Variants in SPATA9 observed in about 807,000 individuals in gnomAD.
SPATA9 encodes the protein spermatogenesis-associated protein 9.
Under a neutral mutation model 25.5 loss-of-function variants are expected in SPATA9, and 27 were observed. The ratio of observed to expected loss-of-function variants is 1.06; its 90% CI spans 0.78 to 1.46. SPATA9 has a LOEUF of 1.46. SPATA9 is among the 40% of genes most tolerant of loss of function. The probability of loss-of-function intolerance (pLI) is 0.00; values close to 1 mark genes in which losing one functional copy is unlikely to be tolerated. For synonymous variants in SPATA9, 102 were observed against 105.7 expected, an observed-to-expected ratio of 0.97 and a Z score of 0.21; for missense variants, 282 against 297.5, an observed-to-expected ratio of 0.95 and a Z score of 0.38.
chr5:95,686,821 G>A (rs1753759465), upstream of SPATA9, among the ~76,000 whole-genome samples: 1 of 152,168 alleles, frequency 6.6e-6, no homozygotes, highest in African/African-American at 2.4e-5. Context: ...GTCCCTCAGA[G>A]CTATCCTTGA....
chr5:95,719,828 A>G, the SPATA9 span: 1 of 152,232 alleles, frequency 6.6e-6, no homozygotes, highest in Non-Finnish European at 1.5e-5. Context: ...AATTGGCTTA[A>G]TGCAGTTTGC....
chr5:95,659,055 G>A, intron 4 of SPATA9, 142 bp from the exon 5 acceptor site: 3 of 1,029,636 alleles, frequency 2.9e-6, no homozygotes, highest in Non-Finnish European at 4.1e-6. Flanking sequence ...GGACCTTCAG[G>A]TACATAATAT....
the SPATA9 span, among the ~76,000 whole-genome samples, chr5:95,703,720 A>G: frequency 1.3e-5 from 2 of 152,326 alleles, no homozygotes; most frequent in Non-Finnish European, 2.9e-5. Context: ...ATGGAAATGT[A>G]CATATCAAGT....
At chr5:95,662,889 A>T (rs1345909764) in intron 4 of SPATA9, among the ~76,000 whole-genome samples, 2 of 152,228 alleles carry the variant, frequency 1.3e-5, no homozygotes, top group African/African-American at 4.8e-5. Context: ...CATGCCCACA[A>T]AAATGGCTAA....
chr5:95,666,698 C>T lies in SPATA9; in HGVS notation c.379-2650G>A, dbSNP rs551693269. 4.6e-5 allele frequency among the ~76,000 whole-genome samples: 7 copies of T among 151,428 alleles called. No homozygotes were observed. In the South Asian group the frequency reaches 1.5e-3, roughly 32 times the overall value. On this transcript the variant is annotated intron_variant, in intron 3 of 4. Transcript: ENST00000274432. ...TGTTGGAAGAAAAGGAAACAATTAT[C>T]CTAGCAAGGGTGAGAATTAGTGACT...
intron 3 of SPATA9, among the ~76,000 whole-genome samples, chr5:95,675,105 C>G (rs569177732): frequency 1.3e-5 from 2 of 152,106 alleles, no homozygotes; most frequent in African/African-American, 4.8e-5. Context: ...GAAAAAGGAA[C>G]AAAACACAAT....
At chr5:95,727,408 C>A in the SPATA9 span, among the ~76,000 whole-genome samples, 1 of 152,204 alleles carries the variant, frequency 6.6e-6, no homozygotes, top group East Asian at 1.9e-4. Context: ...TATGAATATT[C>A]ACAATTTGGG....
intron 1 of SPATA9, among the ~76,000 whole-genome samples, chr5:95,693,287 C>T (rs1429609134): frequency 6.6e-6 from 1 of 152,192 alleles, no homozygotes; most frequent in Non-Finnish European, 1.5e-5. Context: ...ATGTTCACTG[C>T]TACAATTGAA....
chr5:95,673,868 TGAGTAGCTGG>T (rs1752652696), intron 3 of SPATA9, among the ~76,000 whole-genome samples: 1 of 151,902 alleles, frequency 6.6e-6, no homozygotes, highest in Non-Finnish European at 1.5e-5. Context: ...CTCAGCCTCC[TGAGTAGCTGG>T]GATTACAGGC....
the SPATA9 span, among the ~76,000 whole-genome samples, chr5:95,712,284 C>G: frequency 6.6e-6 from 1 of 152,130 alleles, no homozygotes; most frequent in African/African-American, 2.4e-5. Context: ...ATTTCCTATC[C>G]CACAATGTGG....
At chr5:95,717,534 G>A in the SPATA9 span, 1 of 152,164 alleles carries the variant, frequency 6.6e-6, no homozygotes, top group Admixed American at 6.5e-5. Flanking sequence ...TATTACTCCA[G>A]ATAACTCAGC....
chr5:95,712,346 C>G, the SPATA9 span, among the ~76,000 whole-genome samples: 1 of 152,170 alleles, frequency 6.6e-6, no homozygotes, highest in Non-Finnish European at 1.5e-5. Flanking sequence ...GCCCCTTTAA[C>G]CTGAGCCATC....
chr5:95,670,179 C>T (rs987834280), intron 3 of SPATA9, among the ~76,000 whole-genome samples: 7 of 152,042 alleles, frequency 4.6e-5, no homozygotes, highest in African/African-American at 1.4e-4. Flanking sequence ...CAGAAAGGCC[C>T]GGGTGGATGG....
upstream of SPATA9, among the ~76,000 whole-genome samples, chr5:95,683,404 T>C (rs1432569356): frequency 6.6e-6 from 1 of 151,996 alleles, no homozygotes; most frequent in Admixed American, 6.6e-5. Flanking sequence ...ATAATCTCAA[T>C]CTCTTTTCTT....
the SPATA9 span, chr5:95,708,493 C>G: frequency 1.4e-6 from 1 of 690,342 alleles, no homozygotes; most frequent in Non-Finnish European, 2.6e-6. Flanking sequence ...GAATGAAGAT[C>G]TGGTTGATCC....
chr5:95,660,296 T>C (rs1205179689), intron 4 of SPATA9, among the ~76,000 whole-genome samples: 1 of 152,160 alleles, frequency 6.6e-6, no homozygotes, highest in Non-Finnish European at 1.5e-5. Flanking sequence ...TCATGAGGAC[T>C]CTGCTCTCAT....
the SPATA9 span, among the ~76,000 whole-genome samples, chr5:95,712,434 T>C: frequency 6.6e-6 from 1 of 152,190 alleles, no homozygotes; most frequent in African/African-American, 2.4e-5. Context: ...TAAAAAGTGA[T>C]GCAACTTTCT....
chr5:95,722,410 G>C, the SPATA9 span, among the ~76,000 whole-genome samples: 1 of 152,064 alleles, frequency 6.6e-6, no homozygotes, highest in Non-Finnish European at 1.5e-5. Context: ...ATGCATAACT[G>C]CATAATACAC....
At chr5:95,704,943 G>A in the SPATA9 span, among the ~76,000 whole-genome samples, 1 of 150,266 alleles carries the variant, frequency 6.7e-6, no homozygotes, top group Admixed American at 6.6e-5. Flanking sequence ...CATGAGGATA[G>A]AGTACTTTTT....
Sources: allele counts gnomAD v4.1 joint callset (sites outside exome capture counted in the v4.1 genomes callset), GRCh38; gene constraint gnomAD v4.1.1; transcripts MANE v1.5; gene names NCBI Gene and HGNC (gene_info 2026-07-23, HGNC 2026-07-21).